Variants in JAKMIP2 observed in about 807,000 individuals in gnomAD.
JAKMIP2 encodes janus kinase and microtubule interacting protein 2, also known as janus kinase and microtubule-interacting protein 2.
Under a neutral mutation model 115.0 loss-of-function variants are expected in JAKMIP2, and 25 were observed. That is an observed-to-expected ratio of 0.22 (90% CI 0.16 to 0.30). The LOEUF is 0.30. Ranked by LOEUF, JAKMIP2 falls within the 10% of genes least tolerant of loss-of-function variation. The pLI is 1.00. For missense variants in JAKMIP2, 642 were observed against 957.6 expected (o/e 0.67, Z 4.35); for synonymous variants, 334 against 343.6 (o/e 0.97, Z 0.31).
chr5:147,620,602 A>T, intron 18 of JAKMIP2, 64 bp downstream of exon 18: 3 of 1,111,914 alleles, frequency 2.7e-6, no homozygotes, highest in Non-Finnish European at 4.1e-6. Flanking sequence ...ATTAAAAAGG[A>T]TACTTAATTC....
intron 1 of JAKMIP2, among the ~76,000 whole-genome samples, chr5:147,772,398 T>C (rs979248131): frequency 6.6e-6 from 1 of 150,836 alleles, no homozygotes; most frequent in African/African-American, 2.4e-5. Flanking sequence ...AAACTGAATG[T>C]GTAACTGAAG....
intron 1 of JAKMIP2, among the ~76,000 whole-genome samples, chr5:147,692,172 C>CTT (rs1208274318): frequency 2.0e-5 from 3 of 152,150 alleles, no homozygotes; most frequent in Non-Finnish European, 4.4e-5. Flanking sequence ...TAGACACAAA[C>CTT]ATACAGATAT....
intron 13 of JAKMIP2, among the ~76,000 whole-genome samples, chr5:147,631,918 C>G (rs757609227): frequency 3.1e-4 from 47 of 152,298 alleles, no homozygotes; most frequent in Non-Finnish European, 6.0e-4. Flanking sequence ...AATGACTCTT[C>G]TTCACTGAAG....
chr5:147,767,540 G>C (rs1441400575), intron 1 of JAKMIP2, among the ~76,000 whole-genome samples: 1 of 152,076 alleles, frequency 6.6e-6, no homozygotes, highest in Non-Finnish European at 1.5e-5. Flanking sequence ...AATCCAAAGT[G>C]AAGGCAGGCA....
chr5:147,673,689 T>TC (rs1759763864), intron 1 of JAKMIP2, among the ~76,000 whole-genome samples: 1 of 152,190 alleles, frequency 6.6e-6, no homozygotes, highest in South Asian at 2.1e-4. Flanking sequence ...TGAGAGGCCA[T>TC]CTTTTTTTGC....
At chr5:147,636,540 G>C (rs1256276256) in intron 11 of JAKMIP2, 4 of 579,332 alleles carry the variant, frequency 6.9e-6, no homozygotes, top group Non-Finnish European at 1.2e-5. Flanking sequence ...CAGCCTTCTG[G>C]GGACTCAGAA....
rs1284849151 is a variant in JAKMIP2 at position 147,661,299 on chromosome 5, A to G, written c.276T>C (p.Leu92=). ...ACATTTCCTGCTCGTGCTGCTTGAT[A>G]AGGTTCTCCCTCACAGCCTGCAGCT... ...MKELQAVREN[L]IKQHEQEMSR... is the part of the protein sequence containing the mutation. The change falls in exon 3 of 22, where the codon CTT becomes CTC. Residue 92 remains leucine (L), a synonymous_variant. Coordinates refer to ENST00000616793, the MANE Select transcript of JAKMIP2 (RefSeq NM_001270941.2). 5.0e-6 allele frequency: 8 copies of G among 1,613,732 alleles called. No homozygotes were observed. The African/African-American group carries it at 5.3e-5, about 11-fold the overall frequency.
rs1172305913 is a variant in JAKMIP2, at chr5:147,782,089, G to T, written c.-149+367C>A. 2.6e-5 allele frequency among the ~76,000 whole-genome samples: 4 copies of T among 152,154 alleles called. 1 individual carries two copies. The highest frequency in any genetic ancestry group is 2.6e-4 in the Admixed American group (4 of 15,276). Reference sequence around the variant, plus strand: ...GTATTTCTGAAGAAGGCCCAACCCTGTATGTGAGAGCTGCAAATGAAATGA... The same window carrying T: ...GTATTTCTGAAGAAGGCCCAACCCTTTATGTGAGAGCTGCAAATGAAATGA... On this transcript the variant is annotated intron_variant, in intron 1 of 21. Coordinates refer to ENST00000616793, the MANE Select transcript of JAKMIP2 (RefSeq NM_001270941.2).
At chr5:147,646,514 C>A (rs1172253401) in intron 5 of JAKMIP2, among the ~76,000 whole-genome samples, 2 of 151,980 alleles carry the variant, frequency 1.3e-5, no homozygotes, top group African/African-American at 4.8e-5. Context: ...TCTATCACAT[C>A]ATACATCAAT....
At chr5:147,766,558 A>G (rs1213169199) in intron 1 of JAKMIP2, among the ~76,000 whole-genome samples, 3 of 152,134 alleles carry the variant, frequency 2.0e-5, no homozygotes, top group African/African-American at 7.2e-5. Flanking sequence ...GAGCTGGGAT[A>G]AGTGAACTTG....
chr5:147,605,461 G>A (rs944909608), intron 20 of JAKMIP2, among the ~76,000 whole-genome samples: 3 of 151,984 alleles, frequency 2.0e-5, no homozygotes, highest in South Asian at 2.1e-4. Flanking sequence ...CGCCCACCTC[G>A]GCCTCCCAAA....
intron 16 of JAKMIP2, among the ~76,000 whole-genome samples, chr5:147,627,667 A>C (rs1403136929): frequency 7.2e-6 from 1 of 139,558 alleles, no homozygotes; most frequent in South Asian, 2.4e-4. Flanking sequence ...CTAACAGATA[A>C]AGCCTTTCTG....
intron 1 of JAKMIP2, among the ~76,000 whole-genome samples, chr5:147,736,377 G>A (rs557231697): frequency 6.6e-6 from 1 of 152,134 alleles, no homozygotes; most frequent in African/African-American, 2.4e-5. Flanking sequence ...AAAACTGCTT[G>A]AACCTGGGGG....
intron 1 of JAKMIP2, among the ~76,000 whole-genome samples, chr5:147,761,064 T>A (rs770303075): frequency 6.6e-6 from 1 of 152,108 alleles, no homozygotes; most frequent in Admixed American, 6.6e-5. Flanking sequence ...ACAGGGTGAA[T>A]CTTCTTTCTT....
intron 1 of JAKMIP2, among the ~76,000 whole-genome samples, chr5:147,733,655 C>T (rs537256119): frequency 2.0e-5 from 3 of 152,214 alleles, no homozygotes; most frequent in East Asian, 1.9e-4. Flanking sequence ...TGATGTCCCC[C>T]TCCCTGTGTC....
intron 1 of JAKMIP2, 111 bp from the exon 2 acceptor site, chr5:147,672,065 C>T (rs559503070): frequency 1.7e-5 from 10 of 605,240 alleles, no homozygotes; most frequent in Non-Finnish European, 2.2e-5. Flanking sequence ...TGAGGCTCTC[C>T]TATCCTCAGT....
intron 10 of JAKMIP2, among the ~76,000 whole-genome samples, chr5:147,637,454 T>C (rs1017876562): frequency 1.4e-5 from 2 of 147,392 alleles, no homozygotes; most frequent in Non-Finnish European, 3.0e-5. Context: ...TTTTTTTTTT[T>C]TTTGAGACAG....
At chr5:147,747,022 T>C (rs1345695029) in intron 1 of JAKMIP2, among the ~76,000 whole-genome samples, 4 of 152,244 alleles carry the variant, frequency 2.6e-5, no homozygotes, top group African/African-American at 9.6e-5. Flanking sequence ...GCTGTTTGTA[T>C]GTCCAATGCT....
intron 1 of JAKMIP2, among the ~76,000 whole-genome samples, chr5:147,734,243 A>T (rs932085083): frequency 6.6e-6 from 1 of 152,200 alleles, no homozygotes; most frequent in Non-Finnish European, 1.5e-5. Flanking sequence ...ATCATTAAAA[A>T]GTCAGGAAAC....
Sources: allele counts gnomAD v4.1 joint callset (sites outside exome capture counted in the v4.1 genomes callset), GRCh38; gene constraint gnomAD v4.1.1; transcripts MANE v1.5; gene names NCBI Gene and HGNC (gene_info 2026-07-23, HGNC 2026-07-21).